Variants in PCDHA7 observed in about 807,000 individuals in gnomAD.
The protein encoded by PCDHA7 is protocadherin alpha 7, also known as protocadherin alpha-7.
In PCDHA7, 37 loss-of-function variants were observed where a neutral mutation model predicts 57.2. The observed-to-expected ratio is 0.65, with a 90% confidence interval of 0.50 to 0.85. The LOEUF (loss-of-function observed/expected upper bound fraction) is 0.85, where lower values mean the gene tolerates loss of function less well. PCDHA7 is among the 40% of genes least tolerant of loss of function. The pLI, the probability that PCDHA7 is intolerant of heterozygous loss-of-function variation, is 0.00. For synonymous variants in PCDHA7, 553 were observed against 558.8 expected (o/e 0.99, Z 0.15); for missense variants, 1,188 against 1,241.8 (o/e 0.96, Z 0.65).
chr5:140,862,432 C>T (rs746687465), intron 1 of PCDHA7: 1 of 355,106 alleles, frequency 2.8e-6, no homozygotes, highest in Non-Finnish European at 5.6e-6. Context: ...AGAAACTATT[C>T]GTTGGTACTC....
At chr5:140,966,030 A>C (rs1554227994) in intron 1 of PCDHA7, among the ~76,000 whole-genome samples, 4 of 152,164 alleles carry the variant, frequency 2.6e-5, no homozygotes, top group Admixed American at 6.5e-5. Context: ...AGTCAGGTGA[A>C]TAGTTCCCAT....
At chr5:140,974,350 C>T (rs555781549) in intron 1 of PCDHA7, among the ~76,000 whole-genome samples, 1 of 152,304 alleles carries the variant, frequency 6.6e-6, no homozygotes, top group South Asian at 2.1e-4. Flanking sequence ...GCATCCAGAA[C>T]TAAACAGACC....
chr5:140,884,579 G>A (rs1035826331), intron 1 of PCDHA7: 5 of 1,614,058 alleles, frequency 3.1e-6, no homozygotes, highest in Admixed American at 1.7e-5. Flanking sequence ...GGACCTCATG[G>A]CCTTCAGTCC....
chr5:140,884,135 C>A (rs1554181269), intron 1 of PCDHA7: 1 of 1,613,422 alleles, frequency 6.2e-7, no homozygotes. Context: ...CATCCCGTTC[C>A]GCGTGGGGCT....
Position 140,856,651 on chromosome 5 carries a change from T to C in PCDHA7, c.2355+19913T>C, listed in dbSNP as rs1284108605. 10 of 1,598,112 alleles carry C rather than the reference T, an allele frequency of 6.3e-6. 1 individual carries two copies. The highest frequency in any genetic ancestry group is 6.9e-6 in the Non-Finnish European group (8 of 1,167,692). ...TTGTTCTGCGGAAGCTGCTGGATCG[T>C]GAAGAAAATCCTCAGCTAAAGTTGT... is the stretch of plus-strand genomic sequence containing the variant. On this transcript the variant is annotated intron_variant, in intron 1 of 3. Coordinates refer to ENST00000525929, the MANE Select transcript of PCDHA7 (RefSeq NM_018910.3).
intron 1 of PCDHA7, among the ~76,000 whole-genome samples, chr5:140,950,472 T>C (rs782525513): frequency 2.0e-5 from 3 of 152,084 alleles, no homozygotes; most frequent in East Asian, 1.9e-4. Context: ...TCATAGTTTC[T>C]GATGAGAAGT....
intron 1 of PCDHA7, among the ~76,000 whole-genome samples, chr5:140,891,046 C>T (rs576145840): frequency 6.6e-6 from 1 of 152,270 alleles, no homozygotes; most frequent in African/African-American, 2.4e-5. Context: ...GTGACCCCCA[C>T]AGCACATAGT....
At chr5:140,856,485 T>C (rs1554148765) in intron 1 of PCDHA7, 1 of 1,598,290 alleles carries the variant, frequency 6.3e-7, no homozygotes, top group East Asian at 2.2e-5. Context: ...GAATCCAGAC[T>C]GCTTGACTCT....
chr5:140,985,801 A>G (rs2097171670), intron 3 of PCDHA7, among the ~76,000 whole-genome samples: 1 of 135,588 alleles, frequency 7.4e-6, no homozygotes, highest in Admixed American at 8.6e-5. Flanking sequence ...GTGCAGTGGC[A>G]CGATCTCAGC....
intron 1 of PCDHA7, among the ~76,000 whole-genome samples, chr5:140,903,721 C>A (rs2070530222): frequency 6.6e-6 from 1 of 152,152 alleles, no homozygotes; most frequent in Non-Finnish European, 1.5e-5. Flanking sequence ...ACAATTCTCC[C>A]TATTATCAAT....
At chr5:140,870,426 C>G (rs574302735) in intron 1 of PCDHA7, 1 of 1,614,208 alleles carries the variant, frequency 6.2e-7, no homozygotes, top group African/African-American at 1.3e-5. Flanking sequence ...CCAGGGTATC[C>G]GTGGAGGTGG....
intron 1 of PCDHA7, chr5:140,882,154 A>C (rs2058976763): frequency 1.3e-6 from 2 of 1,505,976 alleles, no homozygotes; most frequent in Non-Finnish European, 1.8e-6. Flanking sequence ...AGAAAGCGGA[A>C]TACCTCTTGC....
At chr5:140,918,324 A>G (rs782356672) in intron 1 of PCDHA7, among the ~76,000 whole-genome samples, 1 of 152,058 alleles carries the variant, frequency 6.6e-6, no homozygotes, top group Non-Finnish European at 1.5e-5. Flanking sequence ...ATAAAATTAT[A>G]TTGTCTGCTA....
chr5:140,947,290 T>G (rs1554218137), intron 1 of PCDHA7, among the ~76,000 whole-genome samples: 2 of 151,614 alleles, frequency 1.3e-5, no homozygotes, highest in Non-Finnish European at 3.0e-5. Context: ...TTTTATTGCA[T>G]TATCTTGACA....
At chr5:140,873,008 A>G (rs1455373788) in intron 1 of PCDHA7, among the ~76,000 whole-genome samples, 2 of 152,166 alleles carry the variant, frequency 1.3e-5, no homozygotes, top group African/African-American at 4.8e-5. Flanking sequence ...GTCATTCTTC[A>G]TATTTAGTTA....
chr5:140,968,124 G>A (rs202202452), intron 1 of PCDHA7: 59 of 1,614,008 alleles, frequency 3.7e-5, no homozygotes, highest in Non-Finnish European at 4.7e-5. Flanking sequence ...ACATCCCTGC[G>A]TACACTGAAG....
intron 1 of PCDHA7, chr5:140,849,834 G>A: frequency 6.3e-7 from 1 of 1,598,606 alleles, no homozygotes; most frequent in Admixed American, 1.7e-5. Context: ...GGAGGTGGCC[G>A]ACGTGAACGA....
intron 1 of PCDHA7, chr5:140,848,723 G>T (rs2150418763): frequency 6.3e-7 from 1 of 1,592,604 alleles, no homozygotes; most frequent in South Asian, 1.1e-5. Context: ...ACCTTCTGGA[G>T]GTAAATCTGC....
At chr5:140,958,998 C>T (rs868985322) in intron 1 of PCDHA7, among the ~76,000 whole-genome samples, 5 of 151,906 alleles carry the variant, frequency 3.3e-5, no homozygotes, top group South Asian at 2.1e-4. Flanking sequence ...TAATCTTTTA[C>T]TGTACCTAAT....
Sources: gnomAD v4.1 joint callset for allele counts (sites outside exome capture counted in the v4.1 genomes callset) on GRCh38, gnomAD v4.1.1 for gene constraint, MANE v1.5 for transcripts, NCBI Gene and HGNC (gene_info 2026-07-23, HGNC 2026-07-21) for gene names.